The following PTPRM variants were observed in gnomAD, a reference collection of about 807,000 sequenced individuals.
PTPRM encodes the protein receptor-type tyrosine-protein phosphatase mu.
In PTPRM, 47 loss-of-function variants were observed where a neutral mutation model predicts 186.7. That is an observed-to-expected ratio of 0.25 (90% CI 0.20 to 0.32). The LOEUF is 0.32. PTPRM is among the 10% of genes least tolerant of loss of function. The pLI is 1.00. For missense variants in PTPRM, 1,494 were observed against 1,865.0 expected (o/e 0.80, Z 3.66); for synonymous variants, 668 against 674.9 (o/e 0.99, Z 0.16).
At chr18:8,209,989 TAAAAAAAAAAAAAAAA>T (rs67547673) in intron 14 of PTPRM, among the ~76,000 whole-genome samples, 2 of 78,696 alleles carry the variant, frequency 2.5e-5, no homozygotes, top group Non-Finnish European at 2.4e-5. Flanking sequence ...GAAGTAAAAT[TAAAAAAAAAAAAAAAA>T]AAAAAAAAAA....
At chr18:7,959,685 C>T (rs527243734) in intron 7 of PTPRM, among the ~76,000 whole-genome samples, 15 of 152,306 alleles carry the variant, frequency 9.8e-5, no homozygotes, top group Admixed American at 3.3e-4. Flanking sequence ...TCCCTGATTC[C>T]ACATCTTCAT....
At chr18:7,864,490 A>G (rs1303522665) in intron 2 of PTPRM, among the ~76,000 whole-genome samples, 2 of 152,188 alleles carry the variant, frequency 1.3e-5, no homozygotes, top group Non-Finnish European at 2.9e-5. Flanking sequence ...TGGGTTTGTC[A>G]AAGATCAGAT....
chr18:7,974,653 T>A (rs1208163392), intron 7 of PTPRM, among the ~76,000 whole-genome samples: 1 of 152,156 alleles, frequency 6.6e-6, no homozygotes, highest in Admixed American at 6.5e-5. Flanking sequence ...AAATCTCTGA[T>A]CTATTGGCCT....
intron 22 of PTPRM, among the ~76,000 whole-genome samples, chr18:8,324,951 G>A (rs2095366662): frequency 6.6e-6 from 1 of 151,824 alleles, no homozygotes; most frequent in African/African-American, 2.4e-5. Flanking sequence ...TGGAGCAAAT[G>A]CCATGTATGC....
intron 2 of PTPRM, among the ~76,000 whole-genome samples, chr18:7,877,404 G>T (rs889409744): frequency 6.6e-6 from 1 of 152,170 alleles, no homozygotes; most frequent in African/African-American, 2.4e-5. Context: ...GTAATCGCAT[G>T]ATCATTGATA....
intron 2 of PTPRM, among the ~76,000 whole-genome samples, chr18:7,800,169 T>C (rs1421675611): frequency 6.6e-6 from 1 of 152,208 alleles, no homozygotes; most frequent in Non-Finnish European, 1.5e-5. Context: ...CCCCCTTCAG[T>C]TGATAGCACT....
intron 7 of PTPRM, among the ~76,000 whole-genome samples, chr18:8,050,777 T>C (rs1020969672): frequency 2.0e-5 from 3 of 152,156 alleles, no homozygotes; most frequent in Admixed American, 6.5e-5. Flanking sequence ...GGGCTCTCTT[T>C]TCTAATTGCA....
At chr18:7,702,622 A>T (rs867605787) in intron 1 of PTPRM, among the ~76,000 whole-genome samples, 15 of 152,074 alleles carry the variant, frequency 9.9e-5, no homozygotes, top group Middle Eastern at 6.8e-3. Context: ...GATTGCAAAA[A>T]TTTTCTCCCA....
At chr18:8,116,532 A>G (rs200294151) in intron 13 of PTPRM, among the ~76,000 whole-genome samples, 1 of 152,226 alleles carries the variant, frequency 6.6e-6, no homozygotes, top group East Asian at 1.9e-4. Flanking sequence ...GTCACCCAGC[A>G]GCACCTCTGG....
intron 1 of PTPRM, among the ~76,000 whole-genome samples, chr18:7,717,827 G>A (rs191083418): frequency 1.7e-3 from 259 of 152,278 alleles, no homozygotes; most frequent in Admixed American, 3.9e-3. Context: ...TGCAAGGAGT[G>A]GAACACAGCA....
chr18:7,598,356 A>G (rs2143710816), intron 1 of PTPRM, among the ~76,000 whole-genome samples: 1 of 152,354 alleles, frequency 6.6e-6, no homozygotes, highest in South Asian at 2.1e-4. Flanking sequence ...TTCTAGTTAT[A>G]CAAACTTTCA....
intron 24 of PTPRM, among the ~76,000 whole-genome samples, chr18:8,371,597 A>T (rs965359134): frequency 6.6e-6 from 1 of 152,150 alleles, no homozygotes; most frequent in Non-Finnish European, 1.5e-5. Flanking sequence ...GCTCACTCCC[A>T]TACTGGTTTT....
At chr18:8,347,504 A>G (rs547274754) in intron 23 of PTPRM, among the ~76,000 whole-genome samples, 1 of 152,328 alleles carries the variant, frequency 6.6e-6, no homozygotes, top group Admixed American at 6.5e-5. Context: ...TGTCTGAGAC[A>G]TGGCACAATT....
At chr18:7,731,224 G>A (rs2144399590) in intron 1 of PTPRM, among the ~76,000 whole-genome samples, 1 of 152,298 alleles carries the variant, frequency 6.6e-6, no homozygotes, top group Middle Eastern at 3.4e-3. Flanking sequence ...TCAATATCCA[G>A]TAAATTCCTT....
chr18:8,271,632 A>C (rs766691805), intron 19 of PTPRM, among the ~76,000 whole-genome samples: 1 of 152,156 alleles, frequency 6.6e-6, no homozygotes, highest in African/African-American at 2.4e-5. Flanking sequence ...CAATTTCCCC[A>C]TGCTAAAATT....
intron 1 of PTPRM, among the ~76,000 whole-genome samples, chr18:7,763,822 CT>C (rs1482822099): frequency 6.6e-6 from 1 of 152,102 alleles, no homozygotes; most frequent in Non-Finnish European, 1.5e-5. Flanking sequence ...TTTGGCTGTA[CT>C]GCATATTGGT....
chr18:7,667,747 C>A (rs6506524), intron 1 of PTPRM, among the ~76,000 whole-genome samples: 40,990 of 151,878 alleles, frequency 0.27, 8,040 homozygotes, highest in African/African-American at 0.54. Flanking sequence ...GCATGGAAGT[C>A]ACTTTTTTTT....
intron 13 of PTPRM, among the ~76,000 whole-genome samples, chr18:8,117,994 C>T (rs1304579325): frequency 6.6e-6 from 1 of 151,920 alleles, no homozygotes; most frequent in African/African-American, 2.4e-5. Context: ...TTATATTCAC[C>T]ATGGTGGTCT....
chr18:7,713,132 T>C (rs2040247945), intron 1 of PTPRM, among the ~76,000 whole-genome samples: 1 of 152,118 alleles, frequency 6.6e-6, no homozygotes, highest in South Asian at 2.1e-4. Flanking sequence ...AAGGTTGCAT[T>C]ACCCACAAAG....
Sources: allele counts gnomAD v4.1 joint callset (sites outside exome capture counted in the v4.1 genomes callset), GRCh38; gene constraint gnomAD v4.1.1; transcripts MANE v1.5; gene names NCBI Gene and HGNC (gene_info 2026-07-23, HGNC 2026-07-21).